The following LRP1B variants were observed in gnomAD, a reference collection of about 807,000 sequenced individuals.
The protein encoded by LRP1B is low-density lipoprotein receptor-related protein 1B.
In LRP1B, 217 loss-of-function variants were observed where a neutral mutation model predicts 556.6. The ratio of observed to expected loss-of-function variants is 0.39; its 90% CI spans 0.35 to 0.44. LRP1B has a LOEUF of 0.44. Among genes scored for constraint, LRP1B ranks in the 20% least tolerant of loss-of-function variants. The pLI is 1.00. For synonymous variants in LRP1B, 2,047 were observed against 1,865.8 expected (o/e 1.10, Z -2.50); for missense variants, 5,053 against 5,620.8 (o/e 0.90, Z 3.23).
intron 65 of LRP1B, among the ~76,000 whole-genome samples, chr2:140,443,361 T>C (rs925078574): frequency 7.9e-5 from 12 of 152,166 alleles, no homozygotes; most frequent in Admixed American, 3.3e-4. Context: ...GCACCCGGCC[T>C]GTGTTGAGTT....
intron 77 of LRP1B, among the ~76,000 whole-genome samples, chr2:140,347,714 T>C (rs1028656341): frequency 2.0e-5 from 3 of 152,036 alleles, no homozygotes; most frequent in African/African-American, 7.2e-5. Context: ...TATTCATAGC[T>C]TGATTTGTGT....
At chr2:141,839,849 A>G (rs1047112565) in intron 1 of LRP1B, among the ~76,000 whole-genome samples, 3 of 152,222 alleles carry the variant, frequency 2.0e-5, no homozygotes, top group Non-Finnish European at 1.5e-5. Flanking sequence ...ACACAGATCA[A>G]TTGTTTACTT....
At chr2:141,160,638 A>C (rs1023056662) in intron 7 of LRP1B, among the ~76,000 whole-genome samples, 1 of 151,134 alleles carries the variant, frequency 6.6e-6, no homozygotes, top group African/African-American at 2.4e-5. Flanking sequence ...GCTGACTTGG[A>C]AAAAAAAAGC....
rs752307772 is a variant in LRP1B at position 140,397,441 on chromosome 2, A to G, written c.10415-11432T>C. Among the ~76,000 whole-genome samples, 7 of 152,272 alleles carry G rather than the reference A, an allele frequency of 4.6e-5. No individual in the cohort carries two copies. In the South Asian group the frequency reaches 8.3e-4, roughly 18 times the overall value. On this transcript the variant is annotated intron_variant, in intron 66 of 90. Transcript: ENST00000389484. Reference sequence around the variant, plus strand: ...TTTGAATTAGACTTGTATTCCTTGGAAAGTGGCACTTATTTCCATTACATA... The same window carrying G: ...TTTGAATTAGACTTGTATTCCTTGGGAAGTGGCACTTATTTCCATTACATA...
At chr2:142,049,485 G>C (rs1252774255) in intron 1 of LRP1B, among the ~76,000 whole-genome samples, 1 of 152,060 alleles carries the variant, frequency 6.6e-6, no homozygotes, top group African/African-American at 2.4e-5. Flanking sequence ...AATACTATAT[G>C]AACTATATGG....
chr2:141,677,324 C>T (rs1286467066), intron 2 of LRP1B, among the ~76,000 whole-genome samples: 1 of 151,972 alleles, frequency 6.6e-6, no homozygotes, highest in Non-Finnish European at 1.5e-5. Context: ...ACTGATTAGG[C>T]AAGAAAATTA....
chr2:140,634,126 A>C (rs900490625), intron 41 of LRP1B, among the ~76,000 whole-genome samples: 6 of 152,292 alleles, frequency 3.9e-5, no homozygotes, highest in African/African-American at 1.4e-4. Flanking sequence ...TTATTCCAGG[A>C]ATATAAGACC....
chr2:141,942,650 T>C (rs1274975341), intron 1 of LRP1B, among the ~76,000 whole-genome samples: 1 of 152,218 alleles, frequency 6.6e-6, no homozygotes, highest in Non-Finnish European at 1.5e-5. Flanking sequence ...ATAAATTTCC[T>C]GAACAAGATA....
intron 52 of LRP1B, among the ~76,000 whole-genome samples, chr2:140,509,402 A>G (rs1689558795): frequency 6.6e-6 from 1 of 152,134 alleles, no homozygotes; most frequent in African/African-American, 2.4e-5. Flanking sequence ...CTGACCTCCG[A>G]AGGTGCTCCT....
chr2:140,442,727 A>G, intron 65 of LRP1B, 104 bp from the exon 66 acceptor site: 1 of 1,141,534 alleles, frequency 8.8e-7, no homozygotes, highest in Non-Finnish European at 1.3e-6. Context: ...CGAAAAATGT[A>G]TTGTCTTTAA....
At chr2:141,262,853 T>C (rs1021450663) in intron 3 of LRP1B, among the ~76,000 whole-genome samples, 1 of 152,064 alleles carries the variant, frequency 6.6e-6, no homozygotes, top group Non-Finnish European at 1.5e-5. Flanking sequence ...CTTGTTCTTT[T>C]ATATTTTTAG....
At chr2:141,792,962 A>G (rs1235731832) in intron 2 of LRP1B, among the ~76,000 whole-genome samples, 1 of 152,008 alleles carries the variant, frequency 6.6e-6, no homozygotes, top group Non-Finnish European at 1.5e-5. Flanking sequence ...AAATTTTTGA[A>G]TAAGGTTTTT....
chr2:141,931,921 A>C (rs1700519454), intron 1 of LRP1B, among the ~76,000 whole-genome samples: 1 of 152,016 alleles, frequency 6.6e-6, no homozygotes, highest in African/African-American at 2.4e-5. Flanking sequence ...TCACTTCGTA[A>C]TCTATAGCAT....
intron 79 of LRP1B, among the ~76,000 whole-genome samples, chr2:140,333,867 A>T (rs1553449041): frequency 6.6e-6 from 1 of 151,992 alleles, no homozygotes; most frequent in Non-Finnish European, 1.5e-5. Context: ...TGGGAGAAAG[A>T]TCATGAAGAC....
chr2:141,335,805 A>G (rs1271105136), intron 3 of LRP1B, among the ~76,000 whole-genome samples: 1 of 152,164 alleles, frequency 6.6e-6, no homozygotes, highest in African/African-American at 2.4e-5. Flanking sequence ...AAAGAGAGAT[A>G]AACATGCGTG....
At chr2:142,107,609 A>G (rs961791319) in intron 1 of LRP1B, among the ~76,000 whole-genome samples, 2 of 128,788 alleles carry the variant, frequency 1.6e-5, no homozygotes, top group African/African-American at 5.6e-5. Context: ...TAGGCATTCA[A>G]TAATGTGTCT....
intron 2 of LRP1B, among the ~76,000 whole-genome samples, chr2:141,689,240 T>A (rs1249751050): frequency 6.6e-6 from 1 of 151,850 alleles, no homozygotes; most frequent in Non-Finnish European, 1.5e-5. Context: ...ATTACTATTC[T>A]TCATAAGAGG....
At chr2:141,568,703 A>T (rs1163484910) in intron 2 of LRP1B, among the ~76,000 whole-genome samples, 2 of 151,186 alleles carry the variant, frequency 1.3e-5, no homozygotes. Context: ...TAATTTTTCT[A>T]TATGTTAATT....
At chr2:141,014,279 A>T (rs1205450587) in intron 13 of LRP1B, among the ~76,000 whole-genome samples, 2 of 152,112 alleles carry the variant, frequency 1.3e-5, no homozygotes, top group Non-Finnish European at 2.9e-5. Context: ...GATGGTAAAG[A>T]TTTTAATTTA....
Sources: allele counts gnomAD v4.1 joint callset (sites outside exome capture counted in the v4.1 genomes callset), GRCh38; gene constraint gnomAD v4.1.1; transcripts MANE v1.5; gene names NCBI Gene and HGNC (gene_info 2026-07-23, HGNC 2026-07-21).